Variants in TENM2 observed in about 807,000 individuals in gnomAD.
TENM2 encodes the protein teneurin transmembrane protein 2.
In TENM2, 52 loss-of-function variants were observed where a neutral mutation model predicts 245.2. That is an observed-to-expected ratio of 0.21 (90% CI 0.17 to 0.27). TENM2 has a LOEUF of 0.27. Among genes scored for constraint, TENM2 ranks in the 10% least tolerant of loss-of-function variants. The probability of loss-of-function intolerance (pLI) is 1.00; values close to 1 mark genes in which losing one functional copy is unlikely to be tolerated. For missense variants in TENM2, 3,046 were observed against 3,666.8 expected (o/e 0.83, Z 4.37); for synonymous variants, 1,363 against 1,438.9 (o/e 0.95, Z 1.19).
rs1761069373 is a variant in TENM2, at chr5:167,740,086, C to T, written c.503-135900C>T. Among the ~76,000 whole-genome samples the T allele has an allele frequency of 2.0e-5, 3 of 152,166 alleles. No individual in the cohort carries two copies. The South Asian group carries it at 6.2e-4, about 31-fold the overall frequency. ...TAGGAGACTGCCAGCTTGCTTACTGCACTCAAAAAGCAGGGTTGTAGCTGC... is the reference window on the plus strand; with the variant it reads ...TAGGAGACTGCCAGCTTGCTTACTGTACTCAAAAAGCAGGGTTGTAGCTGC... On this transcript the variant is annotated intron_variant, in intron 2 of 28. Transcript: ENST00000518659.
chr5:167,633,133 G>A (rs143291631), intron 2 of TENM2, among the ~76,000 whole-genome samples: 9 of 152,262 alleles, frequency 5.9e-5, no homozygotes, highest in African/African-American at 1.7e-4. Context: ...GGGAGGCAGT[G>A]GCTTAAGTTA....
Position 168,247,860 on chromosome 5 carries a change from G to A in TENM2, c.6921G>A (p.Arg2307=). The A allele has an allele frequency of 6.2e-7, 1 of 1,614,020 alleles. No individual in the cohort carries two copies. Among genetic ancestry groups the A allele is most frequent in the African/African-American group, 1.3e-5 (1 of 75,054 alleles). Residue 2307 remains arginine, a synonymous_variant, in exon 27 of 29, where the codon CGG becomes CGA. Transcript: ENST00000518659. This position sits in a 1 kb window ranked among gnomAD's most constrained non-coding sequence, Gnocchi z 7.8. ...AGTACCGCTATGATGGCGTAGGACGGCGGGCTTCCTACAAGACCAACCTGG... is the reference window on the plus strand; with the variant it reads ...AGTACCGCTATGATGGCGTAGGACGACGGGCTTCCTACAAGACCAACCTGG...
the TENM2 span, among the ~76,000 whole-genome samples, chr5:167,064,911 G>A: frequency 1.3e-5 from 2 of 152,064 alleles, no homozygotes; most frequent in Non-Finnish European, 2.9e-5. Context: ...TAACGAAAGG[G>A]ATGAAGGCAT....
chr5:167,128,105 G>A, the TENM2 span, among the ~76,000 whole-genome samples: 2 of 152,110 alleles, frequency 1.3e-5, no homozygotes, highest in Non-Finnish European at 2.9e-5. Flanking sequence ...CTGTGCCTGC[G>A]AATCCTTATA....
chr5:167,222,730 A>G, the TENM2 span, among the ~76,000 whole-genome samples: 1 of 152,212 alleles, frequency 6.6e-6, no homozygotes, highest in African/African-American at 2.4e-5. Context: ...CCAGTTCGCA[A>G]AGATGACCTT....
intron 2 of TENM2, among the ~76,000 whole-genome samples, chr5:167,413,749 A>C (rs533079024): frequency 1.3e-5 from 2 of 152,304 alleles, no homozygotes; most frequent in South Asian, 4.1e-4. Context: ...ATAACCATCA[A>C]AATAACAGAG....
At chr5:167,743,471 C>T (rs921397022) in intron 2 of TENM2, among the ~76,000 whole-genome samples, 10 of 152,126 alleles carry the variant, frequency 6.6e-5, no homozygotes, top group Middle Eastern at 3.4e-3. Context: ...CTATTCGAAC[C>T]GACAAAAAGG....
intron 2 of TENM2, among the ~76,000 whole-genome samples, chr5:167,696,785 G>A (rs1757796092): frequency 6.6e-6 from 1 of 152,100 alleles, no homozygotes; most frequent in Non-Finnish European, 1.5e-5. Flanking sequence ...GCCTCCTGAG[G>A]ATCTCCCAGC....
intron 2 of TENM2, among the ~76,000 whole-genome samples, chr5:167,687,800 AT>A: frequency 6.6e-6 from 1 of 152,176 alleles, no homozygotes; most frequent in South Asian, 2.1e-4. Flanking sequence ...TAAATGGTAC[AT>A]TTTTGTATGT....
intron 4 of TENM2, among the ~76,000 whole-genome samples, chr5:167,985,269 G>C (rs1322233987): frequency 6.6e-6 from 1 of 152,066 alleles, no homozygotes; most frequent in African/African-American, 2.4e-5. Context: ...GACACTGCTT[G>C]TATGATAGTC....
At chr5:167,925,399 C>T (rs540429973) in intron 3 of TENM2, among the ~76,000 whole-genome samples, 1 of 152,300 alleles carries the variant, frequency 6.6e-6, no homozygotes, top group African/African-American at 2.4e-5. Context: ...CACGAGGGAA[C>T]TTTCTGGAGT....
intron 2 of TENM2, among the ~76,000 whole-genome samples, chr5:167,477,264 TAAA>T (rs10545252): frequency 0.037 from 5,189 of 140,438 alleles, 249 homozygotes; most frequent in African/African-American, 0.12. Context: ...TGAATAATAG[TAAA>T]AAAAAAAAAA....
chr5:168,186,643 C>G (rs1760462259), intron 13 of TENM2: 1 of 152,138 alleles, frequency 6.6e-6, no homozygotes, highest in African/African-American at 2.4e-5. Flanking sequence ...TCCTCACCCC[C>G]TTCCCCAGGA....
chr5:168,203,836 C>G lies in TENM2; in HGVS notation c.3574+4C>G. On this transcript the variant is annotated splice_donor_region_variant and intron_variant, in intron 18 of 28. Transcript: ENST00000518659. ...CACATCCTCAATGTTAAAAGTGGTA[C>G]GTGAACACATCTTCTTTCCCAAATA... The G allele has an allele frequency of 6.2e-7, 1 of 1,600,200 alleles. No homozygotes were observed. Among genetic ancestry groups the G allele is most frequent in the Non-Finnish European group, 8.5e-7 (1 of 1,169,830 alleles).
At chr5:167,844,846 C>CAAA (rs34170173) in intron 2 of TENM2, among the ~76,000 whole-genome samples, 3,145 of 136,120 alleles carry the variant, frequency 0.023, 122 homozygotes, top group African/African-American at 0.08. Flanking sequence ...TGGTAGTGGC[C>CAAA]AAAAAAAAAA....
the TENM2 span, among the ~76,000 whole-genome samples, chr5:167,048,663 G>A: frequency 1.3e-5 from 2 of 152,086 alleles, no homozygotes; most frequent in African/African-American, 4.8e-5. Context: ...TCAAAAATGT[G>A]CCACATCTCA....
chr5:167,671,759 A>T (rs1458458510), intron 2 of TENM2, among the ~76,000 whole-genome samples: 2 of 149,502 alleles, frequency 1.3e-5, no homozygotes, highest in Non-Finnish European at 3.0e-5. Context: ...ATAGCTACAG[A>T]TTATATATAT....
chr5:168,062,183 T>C, exon 7 of TENM2: 2 of 1,613,818 alleles, frequency 1.2e-6, no homozygotes, highest in Non-Finnish European at 1.7e-6. Flanking sequence ...CAGCCCCAGT[T>C]CTTAAAGTTC....
At chr5:167,861,856 G>T (rs1431479172) in intron 2 of TENM2, among the ~76,000 whole-genome samples, 5 of 152,150 alleles carry the variant, frequency 3.3e-5, no homozygotes, top group Non-Finnish European at 7.4e-5. Flanking sequence ...TTTGAAACAG[G>T]GCTTACTCTT....
Sources: allele counts gnomAD v4.1 joint callset (sites outside exome capture counted in the v4.1 genomes callset), GRCh38; gene constraint gnomAD v4.1.1; non-coding constraint Gnocchi (gnomAD v3.1); transcripts MANE v1.5; gene names NCBI Gene and HGNC (gene_info 2026-07-23, HGNC 2026-07-21).